Variants in ANXA1 observed in about 807,000 individuals in gnomAD.
ANXA1 encodes annexin I (lipocortin I).
A neutral mutation model predicts 47.9 loss-of-function variants in ANXA1; 39 were observed. The observed-to-expected ratio is 0.81, with a 90% confidence interval of 0.63 to 1.06. The LOEUF (loss-of-function observed/expected upper bound fraction) is 1.06. Among genes scored for constraint, ANXA1 ranks in the 50% least tolerant of loss-of-function variants. The pLI is 0.00. For missense variants in ANXA1, 446 were observed against 422.7 expected, an observed-to-expected ratio of 1.06 and a Z score of -0.48; for synonymous variants, 146 against 142.5, an observed-to-expected ratio of 1.02 and a Z score of -0.17.
intron 5 of ANXA1, among the ~76,000 whole-genome samples, 164 bp from the exon 6 acceptor site, chr9:73,160,639 T>C (rs1824125546): frequency 6.6e-6 from 1 of 152,196 alleles, no homozygotes; most frequent in East Asian, 1.9e-4. Context: ...ATAAACTTGT[T>C]TTGTTTTAGG....
At chr9:73,153,541 G>A (rs548251211) in intron 1 of ANXA1, among the ~76,000 whole-genome samples, 1 of 152,262 alleles carries the variant, frequency 6.6e-6, no homozygotes, top group African/African-American at 2.4e-5. Flanking sequence ...GATCTTAGAT[G>A]ATAATTACTT....
intron 11 of ANXA1, chr9:73,168,647 A>G (rs953267269): frequency 6.4e-6 from 1 of 156,568 alleles, no homozygotes; most frequent in East Asian, 1.9e-4. Context: ...ATTAGGCAGG[A>G]TATCGGAAGC....
In ANXA1 at chr9:73,160,332, A is replaced by C. The variant is rs769227185; in HGVS notation, c.340A>C (p.Thr114Pro). ...LEEVVLALLKTPAQFDADELR... is the reference protein window; with the variant it reads ...LEEVVLALLKPPAQFDADELR... ...GGAGGTTGTTTTAGCTCTGCTAAAA[A>C]CTCCAGCGCAATTTGATGCTGATGA... is the stretch of plus-strand genomic sequence containing the variant. Residue 114 changes from threonine (T) to proline (P), a missense_variant, in exon 5 of 13, where the codon ACT (threonine) becomes CCT (proline). Transcript: ENST00000257497. The C allele has an allele frequency of 3.2e-6, 5 of 1,586,602 alleles. No individual in the cohort carries two copies. The South Asian group carries it at 4.6e-5, about 15-fold the overall frequency.
Position 73,165,469 on chromosome 9 carries a change from A to G in ANXA1, c.706+260A>G, listed in dbSNP as rs77787587. Reference sequence around the variant, plus strand: ...TTCACTGCTTTTACTCCCCTAAAAGATTTGGAATATGTGTGGGAAAAGACA... The same window carrying G: ...TTCACTGCTTTTACTCCCCTAAAAGGTTTGGAATATGTGTGGGAAAAGACA... On this transcript the variant is annotated intron_variant, in intron 9 of 12. Transcript: ENST00000257497. 0.02 allele frequency: 5,474 copies of G among 272,860 alleles called. 279 individuals carry two copies. The highest frequency in any genetic ancestry group is 0.11 in the African/African-American group (4,909 of 44,614). 16.9% of individuals were successfully genotyped at this position (272,860 alleles called of 1,614,324 possible).
chr9:73,152,846 C>T (rs1384422338), intron 1 of ANXA1, among the ~76,000 whole-genome samples: 1 of 152,014 alleles, frequency 6.6e-6, no homozygotes, highest in Non-Finnish European at 1.5e-5. Context: ...TAAACATGTT[C>T]CTTCAAGAAT....
chr9:73,155,763 A>G (rs1334689604), intron 1 of ANXA1, among the ~76,000 whole-genome samples: 1 of 152,156 alleles, frequency 6.6e-6, no homozygotes, highest in Non-Finnish European at 1.5e-5. Context: ...CTTTTAGTCT[A>G]TCCAAATACT....
At chr9:73,154,548 C>T (rs1230661214) in intron 1 of ANXA1, among the ~76,000 whole-genome samples, 4 of 152,110 alleles carry the variant, frequency 2.6e-5, no homozygotes, top group Non-Finnish European at 5.9e-5. Flanking sequence ...AAGTGATTCT[C>T]CTGCCTCAGC....
chr9:73,158,127 G>T, intron 1 of ANXA1: 1 of 186,270 alleles, frequency 5.4e-6, no homozygotes, highest in Non-Finnish European at 1.1e-5. Flanking sequence ...AAGTCCTGAG[G>T]GTACTTAAGA....
rs1291420809 is a variant in ANXA1 at position 73,160,353 on chromosome 9, G to A, written c.361G>A (p.Asp121Asn). 1 of 1,582,676 alleles carries A rather than the reference G, an allele frequency of 6.3e-7. No individual in the cohort carries two copies. The highest frequency in any genetic ancestry group is 8.5e-7 in the Non-Finnish European group (1 of 1,170,406). The change falls in exon 5 of 13, where the codon GAT becomes AAT. Residue 121 changes from aspartate to asparagine, a missense_variant. Transcript: ENST00000257497. Reference sequence around the variant, plus strand: ...AAAAACTCCAGCGCAATTTGATGCTGATGAACTTCGTGCTGCCATGAAGGT... The same window carrying A: ...AAAAACTCCAGCGCAATTTGATGCTAATGAACTTCGTGCTGCCATGAAGGT... The part of the protein sequence containing the change: ...LLKTPAQFDA[D>N]ELRAAMKGLG...
At chr9:73,165,619 A>T (rs1824216076) in intron 9 of ANXA1, 1 of 164,688 alleles carries the variant, frequency 6.1e-6, no homozygotes, top group Non-Finnish European at 1.3e-5. Flanking sequence ...GACAAAACTC[A>T]GAAAAAGTCC....
intron 12 of ANXA1, among the ~76,000 whole-genome samples, chr9:73,169,766 GTTATAC>G (rs1281368344): frequency 4.6e-5 from 7 of 152,000 alleles, no homozygotes; most frequent in African/African-American, 9.7e-5. Flanking sequence ...ATTATATTGT[GTTATAC>G]TTATTTAATT....
intron 12 of ANXA1, 32 bp from the exon 13 acceptor site, chr9:73,170,019 A>G: frequency 6.5e-7 from 1 of 1,530,238 alleles, no homozygotes; most frequent in East Asian, 2.3e-5. Context: ...GGTTTCGACT[A>G]ACATTAAGTA....
intron 1 of ANXA1, chr9:73,154,370 G>A: frequency 7.3e-7 from 1 of 1,364,510 alleles, no homozygotes; most frequent in South Asian, 1.1e-5. Context: ...CACTGATCAT[G>A]TCATTTTCTT....
intron 9 of ANXA1, 33 bp from the exon 10 acceptor site, chr9:73,166,064 T>C: frequency 6.6e-7 from 1 of 1,507,942 alleles, no homozygotes; most frequent in Non-Finnish European, 9.1e-7. Flanking sequence ...AAAGGATGTT[T>C]TGCATGTATC....
At chr9:73,168,234 T>C (rs567803439) in intron 11 of ANXA1, 2 of 152,106 alleles carry the variant, frequency 1.3e-5, no homozygotes, top group African/African-American at 4.8e-5. Flanking sequence ...TATGAATAAT[T>C]TGAATAATAT....
At chr9:73,152,867 G>A (rs1374098078) in intron 1 of ANXA1, among the ~76,000 whole-genome samples, 3 of 151,918 alleles carry the variant, frequency 2.0e-5, no homozygotes, top group African/African-American at 2.4e-5. Flanking sequence ...TTTTCTGTTC[G>A]TTCATTTTAA....
chr9:73,164,990 T>C, intron 8 of ANXA1, 126 bp from the exon 9 acceptor site: 1 of 636,006 alleles, frequency 1.6e-6, no homozygotes, highest in South Asian at 2.4e-5. Context: ...GCAATCTTAT[T>C]GTTGACTACT....
At chr9:73,157,473 G>T (rs1267866569) in intron 1 of ANXA1, among the ~76,000 whole-genome samples, 1 of 151,690 alleles carries the variant, frequency 6.6e-6, no homozygotes, top group Non-Finnish European at 1.5e-5. Flanking sequence ...AGCCAACATG[G>T]TGAAAACCTG....
intron 4 of ANXA1, 74 bp downstream of exon 4, chr9:73,159,497 T>TA: frequency 7.7e-7 from 1 of 1,299,364 alleles, no homozygotes. Context: ...GAAGCACAGT[T>TA]ACCTAGTTCT....
Sources: allele counts gnomAD v4.1 joint callset (sites outside exome capture counted in the v4.1 genomes callset), GRCh38; gene constraint gnomAD v4.1.1; transcripts MANE v1.5; gene names NCBI Gene and HGNC (gene_info 2026-07-23, HGNC 2026-07-21).